FRYL: variants seen among roughly 807,000 people sequenced by gnomAD.
FRYL encodes protein furry homolog-like.
A neutral mutation model predicts 351.2 loss-of-function variants in FRYL; 150 were observed. The observed-to-expected ratio is 0.43, with a 90% CI of 0.37 to 0.49. FRYL has a LOEUF of 0.49. FRYL is among the 20% of genes least tolerant of loss of function. The pLI, the probability that FRYL is intolerant of heterozygous loss-of-function variation, is 0.00. For synonymous variants in FRYL, 1,153 were observed against 1,257.1 expected (o/e 0.92, Z 1.75); for missense variants, 3,036 against 3,619.3 (o/e 0.84, Z 4.13).
chr4:48,770,518 A>G (rs1159175333), intron 1 of FRYL, among the ~76,000 whole-genome samples: 1 of 151,700 alleles, frequency 6.6e-6, no homozygotes, highest in Non-Finnish European at 1.5e-5. Context: ...GCTCACCGCA[A>G]CCTCCGCCTC....
intron 1 of FRYL, among the ~76,000 whole-genome samples, chr4:48,712,518 A>G (rs1768208826): frequency 6.6e-6 from 1 of 152,214 alleles, no homozygotes; most frequent in Non-Finnish European, 1.5e-5. Flanking sequence ...AGTTTAGAGA[A>G]AAAAGAATAA....
Position 48,780,106 on chromosome 4 carries a change from G to A in FRYL, c.-412C>T. 6.5e-6 allele frequency: 1 copy of A among 154,594 alleles called. No individual in the cohort carries two copies. 9.6% of individuals were successfully genotyped at this position (154,594 alleles called of 1,614,324 possible). On this transcript the variant is annotated 5_prime_UTR_variant, in exon 1 of 64. Coordinates refer to ENST00000358350, the MANE Select transcript of FRYL (RefSeq NM_015030.2). ...TTCCCAGTCCTAGTACAGCTGCCTC[G>A]CTCCTCCAGCGCCGCCGGTCCCCGC...
chr4:48,709,517 T>C (rs1767775597), intron 2 of FRYL, among the ~76,000 whole-genome samples: 1 of 151,902 alleles, frequency 6.6e-6, no homozygotes, highest in African/African-American at 2.4e-5. Context: ...GTGGAGATCT[T>C]ATTCTTGCCC....
chr4:48,601,169 G>A (rs1010826611), intron 13 of FRYL, among the ~76,000 whole-genome samples: 1 of 152,032 alleles, frequency 6.6e-6, no homozygotes, highest in Non-Finnish European at 1.5e-5. Flanking sequence ...TATCTGCCTC[G>A]GTTCCATTAT....
chr4:48,768,165 T>A (rs1578977459), intron 1 of FRYL, among the ~76,000 whole-genome samples: 1 of 152,188 alleles, frequency 6.6e-6, no homozygotes, highest in East Asian at 1.9e-4. Flanking sequence ...GTCCTCTCAT[T>A]TGTTCCCTTC....
At chr4:48,732,989 G>A (rs116181955) in intron 1 of FRYL, among the ~76,000 whole-genome samples, 3,943 of 151,378 alleles carry the variant, frequency 0.026, 67 homozygotes, top group Admixed American at 0.046. Context: ...AAAGTAGTGA[G>A]AAAAGGCCGG....
At chr4:48,708,923 T>G (rs931494758) in intron 2 of FRYL, among the ~76,000 whole-genome samples, 4 of 147,228 alleles carry the variant, frequency 2.7e-5, no homozygotes, top group African/African-American at 1.0e-4. Flanking sequence ...TTTTTTTTTG[T>G]TTTTTGTTTT....
intron 3 of FRYL, among the ~76,000 whole-genome samples, chr4:48,652,831 C>CAG (rs1757998211): frequency 6.6e-6 from 1 of 152,166 alleles, no homozygotes; most frequent in South Asian, 2.1e-4. Context: ...TAGGCACCAG[C>CAG]AGCACAGTTG....
intron 7 of FRYL, among the ~76,000 whole-genome samples, chr4:48,610,220 A>C (rs977690923): frequency 1.3e-5 from 2 of 152,170 alleles, no homozygotes; most frequent in African/African-American, 4.8e-5. Flanking sequence ...CTATCATGAA[A>C]ATGGTCACAA....
rs561783150 is a variant in FRYL at position 48,577,711 on chromosome 4, T to C, written c.2528+1262A>G. 4.6e-5 allele frequency among the ~76,000 whole-genome samples: 7 copies of C among 152,012 alleles called. No homozygotes were observed. In the East Asian group the frequency reaches 1.4e-3, roughly 29 times the overall value. The stretch of plus-strand genomic sequence containing the variant: ...GCAAGGTGGCAAATGTCAATCTTTA[T>C]TTAAAAAGTAACATCCAGACCAGGT... On this transcript the variant is annotated intron_variant, in intron 23 of 63. Transcript: ENST00000358350.
chr4:48,672,680 C>G (rs918997786), intron 3 of FRYL, among the ~76,000 whole-genome samples: 10 of 152,168 alleles, frequency 6.6e-5, no homozygotes, highest in African/African-American at 2.4e-4. Flanking sequence ...CCTTTTTTAT[C>G]ACTTCTGAAT....
At chr4:48,660,620 G>C (rs1760502032) in intron 3 of FRYL, among the ~76,000 whole-genome samples, 1 of 152,086 alleles carries the variant, frequency 6.6e-6, no homozygotes, top group African/African-American at 2.4e-5. Context: ...TTCATTCCTA[G>C]GGAAATAAAA....
At chr4:48,557,878 A>G (rs1269272231) in intron 33 of FRYL, among the ~76,000 whole-genome samples, 166 bp from the exon 34 acceptor site, 1 of 152,248 alleles carries the variant, frequency 6.6e-6, no homozygotes, top group Non-Finnish European at 1.5e-5. Context: ...CAACGACATC[A>G]TAAAATTAAC....
chr4:48,656,134 A>G (rs1489587642), intron 3 of FRYL, among the ~76,000 whole-genome samples: 3 of 135,784 alleles, frequency 2.2e-5, no homozygotes, highest in East Asian at 2.1e-4. Flanking sequence ...AATATATACA[A>G]TATATACATT....
At chr4:48,594,386 G>A (rs1404310960) in intron 15 of FRYL, among the ~76,000 whole-genome samples, 1 of 151,838 alleles carries the variant, frequency 6.6e-6, no homozygotes, top group Non-Finnish European at 1.5e-5. Flanking sequence ...GGGGCTCTAG[G>A]AAGGAAATCT....
chr4:48,644,945 ACATT>A (rs1261552803), intron 3 of FRYL, among the ~76,000 whole-genome samples: 1 of 151,526 alleles, frequency 6.6e-6, no homozygotes, highest in African/African-American at 2.4e-5. Flanking sequence ...AAAATATAAA[ACATT>A]CAAAGAGCTC....
rs1225590276 is a variant in FRYL, at chr4:48,531,273, G to C, written c.6786C>G (p.Ile2262Met). 1 of 1,613,270 alleles carries C rather than the reference G, an allele frequency of 6.2e-7. No individual in the cohort carries two copies. The highest frequency in any genetic ancestry group is 8.5e-7 in the Non-Finnish European group (1 of 1,179,334). ...CTGTATCTCCTCCATAGGTCTTGGG[G>C]ATATCACTGGGTACGACAAGACTCG... Reference protein sequence around the residue: ...RSASLVVPSDIPKTYGGDTGS... With the variant: ...RSASLVVPSDMPKTYGGDTGS... The change falls in exon 50 of 64, where the codon ATC becomes ATG. Residue 2262 changes from isoleucine (I) to methionine (M), a missense_variant. This residue lies in a region of FRYL where 1,987 missense variants were observed against 2,311.7 expected (regional missense o/e 0.86). Coordinates refer to ENST00000358350, the MANE Select transcript of FRYL (RefSeq NM_015030.2).
At chr4:48,704,998 G>A (rs1331237334) in intron 2 of FRYL, among the ~76,000 whole-genome samples, 1 of 149,694 alleles carries the variant, frequency 6.7e-6, no homozygotes, top group South Asian at 2.1e-4. Context: ...GCGCACACCT[G>A]TCATCCCAGC....
intron 52 of FRYL, 69 bp downstream of exon 52, chr4:48,527,902 A>T (rs530008171): frequency 7.9e-7 from 1 of 1,260,004 alleles, no homozygotes; most frequent in East Asian, 2.3e-5. Context: ...GCAAGCAAGG[A>T]GACAGATCAT....
Sources: allele counts gnomAD v4.1 joint callset (sites outside exome capture counted in the v4.1 genomes callset), GRCh38; gene constraint gnomAD v4.1.1; regional missense constraint gnomAD v4.1.1; transcripts MANE v1.5; gene names NCBI Gene and HGNC (gene_info 2026-07-23, HGNC 2026-07-21).